The following TSPAN11 variants were observed in gnomAD, a reference collection of about 807,000 sequenced individuals.
TSPAN11 encodes the protein tetraspanin-11.
In TSPAN11, 29 loss-of-function variants were observed where a neutral mutation model predicts 32.9. The ratio of observed to expected loss-of-function variants is 0.88; its 90% CI spans 0.66 to 1.20. The LOEUF (loss-of-function observed/expected upper bound fraction) is 1.20, where lower values mean the gene tolerates loss of function less well. Ranked by LOEUF, TSPAN11 falls within the 50% of genes most tolerant of loss-of-function variation. The pLI, the probability that TSPAN11 is intolerant of heterozygous loss-of-function variation, is 0.00. For missense variants in TSPAN11, 283 were observed against 329.1 expected (o/e 0.86, Z 1.08); for synonymous variants, 140 against 141.3 (o/e 0.99, Z 0.07).
chr12:30,967,466 G>A (rs1938756404), intron 3 of TSPAN11, among the ~76,000 whole-genome samples: 1 of 152,212 alleles, frequency 6.6e-6, no homozygotes, highest in African/African-American at 2.4e-5. Context: ...GCAGAGAGGG[G>A]CACAGCAGCT....
At chr12:31,009,587 C>A in the TSPAN11 span, among the ~76,000 whole-genome samples, 2 of 152,116 alleles carry the variant, frequency 1.3e-5, no homozygotes, top group East Asian at 3.9e-4. Flanking sequence ...ACAGAAGTGC[C>A]ACCCCACCTT....
chr12:30,992,028 T>A lies in TSPAN11; in HGVS notation c.*113T>A. 2 of 1,205,856 alleles carry A rather than the reference T, an allele frequency of 1.7e-6. No individual in the cohort carries two copies. The highest frequency in any genetic ancestry group is 2.4e-6 in the Non-Finnish European group (2 of 820,546). The allele number at this position is 1,205,856 out of a possible 1,614,324, so 74.7% of individuals were successfully genotyped here. A position where few individuals can be genotyped will look rare whatever the true frequency, so the allele number is the denominator to read the frequency against. On this transcript the variant is annotated 3_prime_UTR_variant, in exon 8 of 8. Coordinates refer to ENST00000546076, the MANE Select transcript of TSPAN11 (RefSeq NM_001370302.1). ...CACTAGGGCCATAGATGCCCCCTCC[T>A]TTGTGCCTAGCTCCTGCGAATCCAC...
intron 3 of TSPAN11, among the ~76,000 whole-genome samples, chr12:30,977,446 G>T (rs1408393788): frequency 6.6e-6 from 1 of 152,222 alleles, no homozygotes; most frequent in Non-Finnish European, 1.5e-5. Flanking sequence ...CCAGGTGGGC[G>T]GGCAGTGCCC....
intron 7 of TSPAN11, among the ~76,000 whole-genome samples, chr12:30,987,150 G>T: frequency 6.6e-6 from 1 of 152,210 alleles, no homozygotes; most frequent in Non-Finnish European, 1.5e-5. Context: ...ATCTGCCTGA[G>T]TTACATGATA....
intron 1 of TSPAN11, among the ~76,000 whole-genome samples, chr12:30,933,235 G>A (rs1052731485): frequency 6.6e-6 from 1 of 151,126 alleles, no homozygotes; most frequent in Admixed American, 6.6e-5. Context: ...AATTTAACTG[G>A]GCAGAGGAGG....
intron 1 of TSPAN11, among the ~76,000 whole-genome samples, chr12:30,944,885 C>G (rs1402808911): frequency 6.6e-6 from 1 of 152,232 alleles, no homozygotes; most frequent in African/African-American, 2.4e-5. Flanking sequence ...AGTCCCCCAA[C>G]CTGAGCTTTT....
At chr12:30,984,424 C>T (rs1309485251) in intron 7 of TSPAN11, among the ~76,000 whole-genome samples, 1 of 152,154 alleles carries the variant, frequency 6.6e-6, no homozygotes, top group Non-Finnish European at 1.5e-5. Context: ...AGGAAGGCCT[C>T]CAGAATTGGA....
Position 30,959,641 on chromosome 12 carries a change from G to A in TSPAN11, c.85-4185G>A, listed in dbSNP as rs192290778. Among the ~76,000 whole-genome samples the A allele has an allele frequency of 1.4e-3, 210 of 152,164 alleles. 1 individual carries two copies. The highest frequency in any genetic ancestry group is 2.7e-3 in the Non-Finnish European group (185 of 68,008). On this transcript the variant is annotated intron_variant, in intron 2 of 7. Transcript: ENST00000546076. ...AAAAAAATACAAAAATTAGCCAGGC[G>A]TGGTGGCGCGTGCCTGTAATCCTAG...
At chr12:30,961,845 A>G (rs985938163) in intron 2 of TSPAN11, among the ~76,000 whole-genome samples, 4 of 152,044 alleles carry the variant, frequency 2.6e-5, no homozygotes, top group Non-Finnish European at 5.9e-5. Context: ...GGCATGCTGA[A>G]GGGGGCAAAA....
rs1939358348 is a variant in TSPAN11, at chr12:30,993,510, G to C, written c.*1595G>C. On this transcript the variant is annotated 3_prime_UTR_variant, in exon 8 of 8. Coordinates refer to ENST00000546076, the MANE Select transcript of TSPAN11 (RefSeq NM_001370302.1). ...GGGGCCGGTTGCCTCCTCTTCTCTG[G>C]GTGTTCTCCAGTGGCTTCTTGGAGC... 1 of 152,234 alleles carries C rather than the reference G, an allele frequency of 6.6e-6. No individual in the cohort carries two copies. Among genetic ancestry groups the C allele is most frequent in the Non-Finnish European group, 1.5e-5 (1 of 68,084 alleles). 9.4% of individuals were successfully genotyped at this position (152,234 alleles called of 1,614,324 possible). A position where few individuals can be genotyped will look rare whatever the true frequency, so the allele number is the denominator to read the frequency against.
At position 30,930,958 on chromosome 12, in the gene TSPAN11, C is replaced by T. The variant is rs117029410; in HGVS notation, c.-12+4162C>T. 5.8e-4 allele frequency among the ~76,000 whole-genome samples: 88 copies of T among 152,320 alleles called. 1 individual carries two copies. Among genetic ancestry groups the T allele is most frequent in the Non-Finnish European group, 8.2e-4 (56 of 68,026 alleles). On this transcript the variant is annotated intron_variant, in intron 1 of 7. Transcript: ENST00000546076. ...GCACACATACAAGCACATGGCCCTG[C>T]TTAGAGGCTTAAGGATTTTTGCTGT... is the stretch of plus-strand genomic sequence containing the variant.
At chr12:30,961,932 A>G (rs1938621128) in intron 2 of TSPAN11, among the ~76,000 whole-genome samples, 1 of 152,040 alleles carries the variant, frequency 6.6e-6, no homozygotes. Flanking sequence ...GAAATCCCTC[A>G]CTGGTCATGG....
intron 7 of TSPAN11, among the ~76,000 whole-genome samples, chr12:30,987,596 C>A (rs1939225088): frequency 6.6e-6 from 1 of 151,572 alleles, no homozygotes; most frequent in Non-Finnish European, 1.5e-5. Context: ...GAGTGAGACT[C>A]CGTCTCAAAG....
chr12:30,953,716 T>C (rs2075364), intron 1 of TSPAN11, among the ~76,000 whole-genome samples: 7,463 of 152,326 alleles, frequency 0.049, 633 homozygotes, highest in East Asian at 0.4. Flanking sequence ...GCGCAAATTC[T>C]GTGGGAGACT....
chr12:30,941,760 C>T (rs1002452690), intron 1 of TSPAN11, among the ~76,000 whole-genome samples: 1 of 152,220 alleles, frequency 6.6e-6, no homozygotes, highest in African/African-American at 2.4e-5. Context: ...TGGAACCCCA[C>T]CCATGGGGCA....
chr12:30,943,285 C>T (rs1938203484), intron 1 of TSPAN11, among the ~76,000 whole-genome samples: 3 of 152,168 alleles, frequency 2.0e-5, no homozygotes, highest in Admixed American at 6.5e-5. Flanking sequence ...AAAAGTCAAA[C>T]GTCTGCTCTG....
At position 30,963,931 on chromosome 12, in the gene TSPAN11, C is replaced by T; in HGVS notation, c.190C>T (p.Leu64Phe). The change falls in exon 3 of 8, where the codon CTC becomes TTC. Residue 64 changes from leucine (L) to phenylalanine (F), a missense_variant. Transcript: ENST00000546076. ...CACCTTTGCCGCCTCCGCCTACATCCTCATCTTTGCGGGCGTACTTGTCAT... is the reference window on the plus strand; with the variant it reads ...CACCTTTGCCGCCTCCGCCTACATCTTCATCTTTGCGGGCGTACTTGTCAT... ...SSTFAASAYILIFAGVLVMVT... is the reference protein window; with the variant it reads ...SSTFAASAYIFIFAGVLVMVT... 6.2e-7 allele frequency: 1 copy of T among 1,613,966 alleles called. No homozygotes were observed. Among genetic ancestry groups the T allele is most frequent in the South Asian group, 1.1e-5 (1 of 91,080 alleles).
intron 1 of TSPAN11, 27 bp from the exon 2 acceptor site, chr12:30,953,953 CG>C (rs1565792766): frequency 6.4e-7 from 1 of 1,559,014 alleles, no homozygotes. Context: ...GGTGATTCCC[CG>C]GCCCAGCATA....
the TSPAN11 span, among the ~76,000 whole-genome samples, chr12:31,011,250 C>T: frequency 3.3e-5 from 5 of 152,074 alleles, no homozygotes; most frequent in East Asian, 9.6e-4. Flanking sequence ...AAAAATTAGC[C>T]AGGTGTGGTG....
Sources: gnomAD v4.1 joint callset for allele counts (sites outside exome capture counted in the v4.1 genomes callset) on GRCh38, gnomAD v4.1.1 for gene constraint, MANE v1.5 for transcripts, NCBI Gene and HGNC (gene_info 2026-07-23, HGNC 2026-07-21) for gene names.